RWDD1: variants seen among roughly 807,000 people sequenced by gnomAD.
The protein encoded by RWDD1 is RWD domain containing 1.
A neutral mutation model predicts 31.6 loss-of-function variants in RWDD1; 17 were observed. The ratio of observed to expected loss-of-function variants is 0.54; its 90% confidence interval spans 0.37 to 0.81. The LOEUF (loss-of-function observed/expected upper bound fraction) is 0.81. Among genes scored for constraint, RWDD1 ranks in the 30% least tolerant of loss-of-function variants. The probability of loss-of-function intolerance (pLI) is 0.00; values close to 1 mark genes in which losing one functional copy is unlikely to be tolerated. For synonymous variants in RWDD1, 78 were observed against 94.2 expected (o/e 0.83, Z 0.99); for missense variants, 204 against 274.5 (o/e 0.74, Z 1.82).
At chr6:116,572,301 C>T (rs7763806) in intron 1 of RWDD1, 49,307 of 152,154 alleles carry the variant, frequency 0.32, 8,036 homozygotes, top group East Asian at 0.38. Flanking sequence ...TGCTCCAAGC[C>T]AAGGTCATGG....
At position 116,589,394 on chromosome 6, in the gene RWDD1, G is replaced by A. The variant is rs544458102; in HGVS notation, c.414+409G>A. On this transcript the variant is annotated intron_variant, in intron 4 of 6. Coordinates refer to ENST00000466444, the MANE Select transcript of RWDD1 (RefSeq NM_015952.4). ...AAAAACATGTTTTAAGACAGTTTAC[G>A]AATTTGTGTTGGGCCACATTCAAAG... 7.9e-5 allele frequency among the ~76,000 whole-genome samples: 12 copies of A among 152,258 alleles called. No homozygotes were observed. The South Asian group carries it at 1.9e-3, about 24-fold the overall frequency.
At position 116,596,794 on chromosome 6, in the gene RWDD1, T is replaced by C. The variant is rs1355901640; in HGVS notation, c.*3693T>C. ...TGAAAAGTTCATTCAATTAAGGTAT[T>C]TGAGTGCTACTATGCGCCAGCCTTT... is the stretch of plus-strand genomic sequence containing the variant. On this transcript the variant is annotated 3_prime_UTR_variant, in exon 7 of 7. Transcript: ENST00000466444. 1 of 152,164 alleles carries C rather than the reference T, an allele frequency of 6.6e-6. No individual in the cohort carries two copies. Among genetic ancestry groups the C allele is most frequent in the Non-Finnish European group, 1.5e-5 (1 of 68,028 alleles). 9.4% of individuals were successfully genotyped at this position (152,164 alleles called of 1,614,324 possible).
chr6:116,587,908 A>G (rs1460242319), intron 3 of RWDD1, among the ~76,000 whole-genome samples: 2 of 152,086 alleles, frequency 1.3e-5, no homozygotes, highest in African/African-American at 4.8e-5. Flanking sequence ...GGGGATGTTC[A>G]GGCTGGGTGG....
At chr6:116,575,565 A>T (rs1033723) in intron 1 of RWDD1, among the ~76,000 whole-genome samples, 27,892 of 149,748 alleles carry the variant, frequency 0.19, 2,723 homozygotes, top group East Asian at 0.29. Flanking sequence ...TCCCTATTTT[A>T]GTTACTGCCC....
chr6:116,576,941 T>C (rs1262597130), intron 1 of RWDD1, among the ~76,000 whole-genome samples: 1 of 152,200 alleles, frequency 6.6e-6, no homozygotes, highest in African/African-American at 2.4e-5. Flanking sequence ...GTCAGGGACT[T>C]AGATGTGATC....
intron 6 of RWDD1, among the ~76,000 whole-genome samples, chr6:116,592,568 A>G (rs1775163859): frequency 6.6e-6 from 1 of 152,210 alleles, no homozygotes; most frequent in African/African-American, 2.4e-5. Context: ...ATCAAATCAA[A>G]TCAATTAATT....
chr6:116,585,421 T>C (rs756119881), intron 3 of RWDD1, among the ~76,000 whole-genome samples: 33 of 152,156 alleles, frequency 2.2e-4, no homozygotes, highest in Non-Finnish European at 4.3e-4. Flanking sequence ...TATTGTGGGA[T>C]AGGCTACCTG....
At chr6:116,587,452 AT>A (rs1775063475) in intron 3 of RWDD1, among the ~76,000 whole-genome samples, 1 of 152,154 alleles carries the variant, frequency 6.6e-6, no homozygotes, top group South Asian at 2.1e-4. Context: ...GTCACACAAC[AT>A]TTATTGAACT....
At chr6:116,585,936 G>T (rs1775032635) in intron 3 of RWDD1, among the ~76,000 whole-genome samples, 1 of 152,108 alleles carries the variant, frequency 6.6e-6, no homozygotes, top group African/African-American at 2.4e-5. Flanking sequence ...TGGGATTACA[G>T]GCATGAACTA....
intron 1 of RWDD1, among the ~76,000 whole-genome samples, chr6:116,574,915 C>G (rs1289476881): frequency 6.6e-6 from 1 of 151,868 alleles, no homozygotes; most frequent in African/African-American, 2.4e-5. Context: ...ATTACAGGCT[C>G]GCAGTACCAT....
At chr6:116,575,889 G>A (rs1774831153) in intron 1 of RWDD1, among the ~76,000 whole-genome samples, 1 of 152,178 alleles carries the variant, frequency 6.6e-6, no homozygotes, top group Non-Finnish European at 1.5e-5. Context: ...AGTTTCTTAA[G>A]GAAATTTCCT....
intron 6 of RWDD1, 31 bp from the exon 7 acceptor site, chr6:116,592,949 A>ATT (rs2243350): frequency 1.3e-3 from 1,823 of 1,437,516 alleles, no homozygotes; most frequent in Admixed American, 4.0e-3. Context: ...ACTAAAGGAG[A>ATT]TTTTTTTTTT....
chr6:116,579,802 G>A (rs1583331016), intron 1 of RWDD1, among the ~76,000 whole-genome samples: 1 of 152,190 alleles, frequency 6.6e-6, no homozygotes, highest in Admixed American at 6.5e-5. Context: ...AGATGATGTG[G>A]TAGAGAATGA....
intron 2 of RWDD1, among the ~76,000 whole-genome samples, chr6:116,583,183 C>G (rs1043154394): frequency 3.9e-5 from 6 of 151,916 alleles, no homozygotes; most frequent in African/African-American, 1.5e-4. Flanking sequence ...CTCACTCTTG[C>G]CCAGGCTGGT....
In RWDD1 at chr6:116,580,333, A is replaced by T; in HGVS notation, c.112A>T (p.Thr38Ser). The change falls in exon 2 of 7, where the codon ACG becomes TCG. Residue 38 changes from threonine (T) to serine (S), a missense_variant. By Grantham distance (58) the Thr-to-Ser change is moderately conservative. Coordinates refer to ENST00000466444, the MANE Select transcript of RWDD1 (RefSeq NM_015952.4). ...TCCACCCAGCTTCACCATTACTGTG[A>T]CGTCTGAGGCTGGAGAAAATGATGA... ...ENPPSFTITV[T>S]SEAGENDETV... 6.2e-7 allele frequency: 1 copy of T among 1,602,466 alleles called. No homozygotes were observed. Among genetic ancestry groups the T allele is most frequent in the East Asian group, 2.2e-5 (1 of 44,608 alleles).
chr6:116,582,255 T>G (rs1219562228), intron 2 of RWDD1, among the ~76,000 whole-genome samples: 1 of 122,674 alleles, frequency 8.2e-6, no homozygotes, highest in Non-Finnish European at 1.6e-5. Context: ...TAGAATCAGT[T>G]TTTTTTTTTT....
At chr6:116,574,399 C>T (rs3798402) in intron 1 of RWDD1, among the ~76,000 whole-genome samples, 59,716 of 152,030 alleles carry the variant, frequency 0.39, 12,312 homozygotes, top group African/African-American at 0.52. Flanking sequence ...AGAAGTCGTC[C>T]TGTAAAAGCA....
intron 3 of RWDD1, among the ~76,000 whole-genome samples, chr6:116,585,489 G>A (rs1426656993): frequency 1.3e-5 from 2 of 152,128 alleles, no homozygotes; most frequent in Non-Finnish European, 2.9e-5. Context: ...CAGTTTTCAT[G>A]GGGTTCTTCA....
At position 116,571,577 on chromosome 6, in the gene RWDD1, G is replaced by A. The variant is rs762437009; in HGVS notation, c.-6G>A. ...GGGCGATCTATGGGCAAGAGCAAGG[G>A]CCACGATGACAGATTACGGCGAGGA... On this transcript the variant is annotated 5_prime_UTR_variant, in exon 1 of 7. Transcript: ENST00000466444. 6.2e-7 allele frequency: 1 copy of A among 1,613,126 alleles called. No homozygotes were observed. Among genetic ancestry groups the A allele is most frequent in the Admixed American group, 1.7e-5 (1 of 59,882 alleles).
Sources: allele counts gnomAD v4.1 joint callset (sites outside exome capture counted in the v4.1 genomes callset), GRCh38; gene constraint gnomAD v4.1.1; transcripts MANE v1.5; gene names NCBI Gene and HGNC (gene_info 2026-07-23, HGNC 2026-07-21).